The following CD36 variants were observed in gnomAD, a reference collection of about 807,000 sequenced individuals.
CD36 encodes CD36 molecule (CD36 blood group).
Under a neutral mutation model 55.2 loss-of-function variants are expected in CD36, and 119 were observed. The ratio of observed to expected loss-of-function variants is 2.15; its 90% CI spans 1.86 to 2.51. The LOEUF (loss-of-function observed/expected upper bound fraction) is 2.51, where lower values mean the gene tolerates loss of function less well. CD36 is among the 30% of genes most tolerant of loss of function. The pLI, the probability that CD36 is intolerant of heterozygous loss-of-function variation, is 0.00. For synonymous variants in CD36, 186 were observed against 193.6 expected (o/e 0.96, Z 0.33); for missense variants, 819 against 555.5 (o/e 1.47, Z -4.77).
chr7:80,671,801 C>A, intron 10 of CD36, 121 bp from the exon 11 acceptor site: 1 of 803,200 alleles, frequency 1.2e-6, no homozygotes, highest in Admixed American at 2.1e-5. Context: ...CTTCCCCACC[C>A]ATGTTAAAAA....
intron 3 of CD36, among the ~76,000 whole-genome samples, chr7:80,647,372 A>T (rs1389982872): frequency 6.6e-6 from 1 of 152,154 alleles, no homozygotes; most frequent in Non-Finnish European, 1.5e-5. Flanking sequence ...CTATTTTTAT[A>T]TATGTGTAAT....
At position 80,672,011 on chromosome 7, in the gene CD36, G is replaced by A; in HGVS notation, c.1096G>A (p.Glu366Lys). 6.2e-7 allele frequency: 1 copy of A among 1,608,316 alleles called. No homozygotes were observed. Among genetic ancestry groups the A allele is most frequent in the East Asian group, 2.2e-5 (1 of 44,646 alleles). The change falls in exon 11 of 15, where the codon GAA (glutamate) becomes AAA (lysine). Residue 366 changes from glutamate (E) to lysine (K), a missense_variant. Coordinates refer to ENST00000447544, the MANE Select transcript of CD36 (RefSeq NM_001001548.3). ...TGATGGATTAAACCCAAATGAAGAA[G>A]AACATAGGACATACTTGGATATTGA... ...PIDGLNPNEE[E>K]HRTYLDIEPI...
At chr7:80,667,991 C>T (rs1005677098) in intron 8 of CD36, among the ~76,000 whole-genome samples, 1 of 151,912 alleles carries the variant, frequency 6.6e-6, no homozygotes. Context: ...TTGTGATCCG[C>T]CCCCCTCGGC....
intron 1 of CD36, among the ~76,000 whole-genome samples, chr7:80,616,643 A>G (rs933178598): frequency 6.6e-5 from 10 of 152,178 alleles, no homozygotes; most frequent in African/African-American, 2.2e-4. Flanking sequence ...TGCAAGTAAC[A>G]AAGTCCAAAA....
At chr7:80,650,378 A>C (rs1335859012) in intron 3 of CD36, among the ~76,000 whole-genome samples, 1 of 152,040 alleles carries the variant, frequency 6.6e-6, no homozygotes, top group Admixed American at 6.6e-5. Flanking sequence ...TTCAGTTTAC[A>C]GACTATTTTT....
chr7:80,637,817 G>A (rs747474587), upstream of CD36, among the ~76,000 whole-genome samples: 13 of 151,894 alleles, frequency 8.6e-5, no homozygotes, highest in Non-Finnish European at 7.4e-5. Flanking sequence ...GTATGATTCT[G>A]AGAATTTCTT....
At chr7:80,641,754 A>G (rs900056876) in intron 1 of CD36, among the ~76,000 whole-genome samples, 1 of 152,054 alleles carries the variant, frequency 6.6e-6, no homozygotes, top group Admixed American at 6.6e-5. Context: ...TATAAACACA[A>G]GGGATTAATT....
At chr7:80,658,956 C>T (rs1796310512) in intron 4 of CD36, among the ~76,000 whole-genome samples, 1 of 152,056 alleles carries the variant, frequency 6.6e-6, no homozygotes, top group African/African-American at 2.4e-5. Flanking sequence ...ATTTGGTTTG[C>T]TTAGAGAGGC....
intron 3 of CD36, among the ~76,000 whole-genome samples, chr7:80,648,288 C>T (rs1795324576): frequency 6.6e-6 from 1 of 152,098 alleles, no homozygotes; most frequent in East Asian, 1.9e-4. Context: ...AGTACAAGAT[C>T]AGTGTCTGTG....
At chr7:80,621,075 A>G (rs1793442722) in intron 1 of CD36, among the ~76,000 whole-genome samples, 2 of 152,204 alleles carry the variant, frequency 1.3e-5, no homozygotes, top group African/African-American at 4.8e-5. Context: ...TTCAGCAACC[A>G]CCACCTAGAT....
Position 80,666,462 on chromosome 7 carries a change from A to C in CD36, c.721A>C (p.Ser241Arg), listed in dbSNP as rs1797104019. 1 of 1,607,976 alleles carries C rather than the reference A, an allele frequency of 6.2e-7. No homozygotes were observed. The highest frequency in any genetic ancestry group is 1.3e-5 in the African/African-American group (1 of 74,930). Residue 241 changes from serine to arginine, a missense_variant, in exon 8 of 15, where the codon AGT (serine) becomes CGT (arginine). By Grantham distance (110) the Ser-to-Arg change is moderately radical. Coordinates refer to ENST00000447544, the MANE Select transcript of CD36 (RefSeq NM_001001548.3). ...TCCTAGGAATCTGTCCTATTGGGAA[A>C]GTCACTGCGACATGATTAATGGTAC... is the stretch of plus-strand genomic sequence containing the variant. ...KGKRNLSYWESHCDMINGTDA... is the reference protein window; with the variant it reads ...KGKRNLSYWERHCDMINGTDA...
chr7:80,613,644 G>C lies in CD36; in HGVS notation c.-184+11265G>C, dbSNP rs17154170. Among the ~76,000 whole-genome samples, 1,301 of 152,126 alleles carry C rather than the reference G, an allele frequency of 8.6e-3. 61 individuals are homozygous for C. The East Asian group carries it at 0.11, about 13-fold the overall frequency. On this transcript the variant is annotated intron_variant, in intron 1 of 13. Coordinates refer to the CD36 transcript ENST00000309881. ...AGTGAAAAATTTTAACTTTTAATGG[G>C]ACAAAGAGGCTTGAATCTTTTACGG...
chr7:80,611,382 G>A (rs890448842), intron 1 of CD36, among the ~76,000 whole-genome samples: 5 of 152,002 alleles, frequency 3.3e-5, no homozygotes, highest in Non-Finnish European at 7.4e-5. Context: ...TTATCACTGT[G>A]GCATCTTCTA....
chr7:80,664,831 A>AGAT (rs956446684), intron 7 of CD36, among the ~76,000 whole-genome samples: 1 of 139,382 alleles, frequency 7.2e-6, no homozygotes, highest in African/African-American at 2.6e-5. Context: ...TCTTACAATT[A>AGAT]GATAACCATA....
intron 1 of CD36, among the ~76,000 whole-genome samples, chr7:80,604,321 G>GAAGTACAGTA (rs1199443158): frequency 7.8e-6 from 1 of 128,380 alleles, no homozygotes; most frequent in African/African-American, 2.8e-5. Flanking sequence ...GTTGTATATA[G>GAAGTACAGTA]AAGTACAGTA....
At chr7:80,673,931 ATTTTG>A in intron 13 of CD36, 47 bp from the exon 14 acceptor site, 2 of 1,400,104 alleles carry the variant, frequency 1.4e-6, no homozygotes, top group South Asian at 1.2e-5. Flanking sequence ...TGAAGGGTTT[ATTTTG>A]TTTTACTAAC....
At position 80,662,959 on chromosome 7, in the gene CD36, C is replaced by T. The variant is rs3211900; in HGVS notation, c.430-31C>T. ...ATTTGTTAAAATCTAATATTGTATT[C>T]TTGTCTTAAACAGTGACTTTGTTTT... On this transcript the variant is annotated intron_variant, in intron 5 of 14. Coordinates refer to ENST00000447544, the MANE Select transcript of CD36 (RefSeq NM_001001548.3). The T allele has an allele frequency of 1.6e-5, 25 of 1,539,992 alleles. No homozygotes were observed. The African/African-American group carries it at 2.9e-4, about 18-fold the overall frequency.
At chr7:80,607,739 C>G (rs1025173556) in intron 1 of CD36, among the ~76,000 whole-genome samples, 2 of 152,128 alleles carry the variant, frequency 1.3e-5, no homozygotes, top group Non-Finnish European at 2.9e-5. Context: ...GTCAAGTTCT[C>G]AAGCTGAAAG....
intron 1 of CD36, among the ~76,000 whole-genome samples, chr7:80,618,694 G>C (rs1280861330): frequency 1.3e-5 from 2 of 152,204 alleles, no homozygotes; most frequent in Non-Finnish European, 2.9e-5. Context: ...CAATCCAGAG[G>C]AAGGTCTTTA....
Sources: allele counts gnomAD v4.1 joint callset (sites outside exome capture counted in the v4.1 genomes callset), GRCh38; gene constraint gnomAD v4.1.1; transcripts MANE v1.5; gene names NCBI Gene and HGNC (gene_info 2026-07-23, HGNC 2026-07-21).